The following PAAF1 variants were observed in gnomAD, a reference collection of about 807,000 sequenced individuals.
PAAF1 encodes the protein proteasomal ATPase-associated factor 1.
In PAAF1, 46 loss-of-function variants were observed where a neutral mutation model predicts 52.8. The ratio of observed to expected loss-of-function variants is 0.87; its 90% confidence interval spans 0.69 to 1.11. PAAF1 has a LOEUF of 1.11. Ranked by LOEUF, PAAF1 falls within the 50% of genes most tolerant of loss-of-function variation. The pLI is 0.00. For missense variants in PAAF1, 424 were observed against 477.4 expected (o/e 0.89, Z 1.04); for synonymous variants, 178 against 172.8 (o/e 1.03, Z -0.24).
intron 5 of PAAF1, among the ~76,000 whole-genome samples, chr11:73,899,921 A>T (rs976741567): frequency 6.6e-6 from 1 of 152,176 alleles, no homozygotes; most frequent in Non-Finnish European, 1.5e-5. Flanking sequence ...AAGGATTTTA[A>T]ACAGAGATGA....
chr11:73,893,738 CAAA>C lies in PAAF1; in HGVS notation c.282+2558_282+2560del, dbSNP rs564348245. ...GGAGACAAAAGTGAAACTCTGTCTC[CAAA>C]AAAAAAAAAAAAAAAAAAAAGAAAG... On this transcript the variant is annotated intron_variant, in intron 4 of 11. Coordinates refer to ENST00000310571, the MANE Select transcript of PAAF1 (RefSeq NM_025155.3). Among the ~76,000 whole-genome samples, 429 of 71,958 alleles carry C rather than the reference CAAA, an allele frequency of 6.0e-3. 3 individuals carry two copies. Among genetic ancestry groups the C allele is most frequent in the African/African-American group, 0.021 (369 of 17,966 alleles). The allele number at this position is 71,958 out of a possible 152,430, so 47.2% of individuals were successfully genotyped here.
intron 6 of PAAF1, among the ~76,000 whole-genome samples, chr11:73,907,702 G>A (rs929571103): frequency 6.6e-6 from 1 of 152,102 alleles, no homozygotes; most frequent in Non-Finnish European, 1.5e-5. Flanking sequence ...ATGGGAGCGG[G>A]GTAGATGATC....
Position 73,890,789 on chromosome 11 carries a change from T to A in PAAF1, c.193-323T>A, listed in dbSNP as rs138565259. Reference sequence around the variant, plus strand: ...CCACTGCTAATTGAGAGTATTGGTATTAGATTTTCTTCTTAAAACGAATGC... The same window carrying A: ...CCACTGCTAATTGAGAGTATTGGTAATAGATTTTCTTCTTAAAACGAATGC... On this transcript the variant is annotated intron_variant, in intron 3 of 11. Transcript: ENST00000310571. 3.6e-3 allele frequency among the ~76,000 whole-genome samples: 551 copies of A among 152,360 alleles called. 4 individuals carry two copies. The highest frequency in any genetic ancestry group is 0.012 in the African/African-American group (507 of 41,586).
chr11:73,926,636 G>A (rs892166186), intron 11 of PAAF1, among the ~76,000 whole-genome samples: 1 of 152,166 alleles, frequency 6.6e-6, no homozygotes, highest in African/African-American at 2.4e-5. Flanking sequence ...GTGAACCCGG[G>A]AGGCGGAGCT....
In PAAF1 at chr11:73,927,178, A is replaced by T; in HGVS notation, c.1102-107A>T. ...GGATGTAATTCTGTTGCCTTCATAA[A>T]GCCTTCTCAGACTCCATGGGACTAG... is the stretch of plus-strand genomic sequence containing the variant. On this transcript the variant is annotated intron_variant, in intron 11 of 11. Transcript: ENST00000310571. 3.6e-6 allele frequency: 3 copies of T among 829,626 alleles called. No homozygotes were observed. The Admixed American group carries it at 6.4e-5, about 18-fold the overall frequency. 51.4% of individuals were successfully genotyped at this position (829,626 alleles called of 1,614,324 possible).
At chr11:73,924,462 A>G (rs1950301713) in intron 10 of PAAF1, among the ~76,000 whole-genome samples, 153 bp from the exon 11 acceptor site, 1 of 152,200 alleles carries the variant, frequency 6.6e-6, no homozygotes, top group South Asian at 2.1e-4. Context: ...ACAAAAAAAA[A>G]GTTGGCCCAC....
chr11:73,917,697 C>G (rs1185780179), intron 9 of PAAF1, among the ~76,000 whole-genome samples: 1 of 152,106 alleles, frequency 6.6e-6, no homozygotes, highest in African/African-American at 2.4e-5. Flanking sequence ...CATGGCGAAA[C>G]CCTGTCTCTA....
At chr11:73,892,874 A>G (rs1949236211) in intron 4 of PAAF1, among the ~76,000 whole-genome samples, 1 of 152,024 alleles carries the variant, frequency 6.6e-6, no homozygotes, top group Non-Finnish European at 1.5e-5. Context: ...GTTAGCCAGG[A>G]TGGTCTCAAT....
intron 2 of PAAF1, among the ~76,000 whole-genome samples, chr11:73,884,950 C>T (rs1161638673): frequency 1.4e-5 from 2 of 145,502 alleles, no homozygotes; most frequent in Admixed American, 6.8e-5. Flanking sequence ...AGTTCCGCCT[C>T]CCGGGTTCAC....
chr11:73,914,183 T>A (rs1169897870), intron 7 of PAAF1, among the ~76,000 whole-genome samples: 1 of 152,250 alleles, frequency 6.6e-6, no homozygotes, highest in African/African-American at 2.4e-5. Flanking sequence ...AAAACATTTT[T>A]AAAATGTAAA....
chr11:73,925,174 AAC>A (rs1376900542), intron 11 of PAAF1, among the ~76,000 whole-genome samples: 14 of 150,778 alleles, frequency 9.3e-5, no homozygotes, highest in Non-Finnish European at 1.3e-4. Flanking sequence ...AAAAAAAAAA[AAC>A]AAGTGACTTC....
At chr11:73,900,170 G>C in intron 5 of PAAF1, 100 bp from the exon 6 acceptor site, 1 of 1,287,796 alleles carries the variant, frequency 7.8e-7, no homozygotes, top group Non-Finnish European at 1.1e-6. Flanking sequence ...TGTGGGTTTA[G>C]CATGTAGGTA....
rs1949864755 is a variant in PAAF1 at position 73,909,407 on chromosome 11, GAT to G, written c.543_544del (p.Thr182SerfsTer4). The G allele has an allele frequency of 6.2e-7, 1 of 1,613,862 alleles. No individual in the cohort carries two copies. The highest frequency in any genetic ancestry group is 2.2e-5 in the East Asian group (1 of 44,878). On this transcript the variant is annotated frameshift_variant, in exon 7 of 12. Coordinates refer to ENST00000310571, the MANE Select transcript of PAAF1 (RefSeq NM_025155.3). LOFTEE classifies it high-confidence loss of function. Reference sequence around the variant, plus strand: ...TTTTTTTCTCTTGCTAGGTATCCTGGATACAGCCATCGTTGATCGGGGGAGGA... The same window carrying G: ...TTTTTTTCTCTTGCTAGGTATCCTGGACAGCCATCGTTGATCGGGGGAGGA... ...TFKGHKGGILDTAIVDRGRNV... is the reference protein window; with the variant it reads ...TFKGHKGGILXTAIVDRGRNV...
chr11:73,919,488 G>A (rs1019922345), intron 10 of PAAF1, among the ~76,000 whole-genome samples: 13 of 152,246 alleles, frequency 8.5e-5, no homozygotes, highest in African/African-American at 2.9e-4. Flanking sequence ...ATGTAAAGAG[G>A]GACACTGAAA....
At chr11:73,891,072 G>T in intron 3 of PAAF1, 40 bp from the exon 4 acceptor site, 1 of 1,161,014 alleles carries the variant, frequency 8.6e-7, no homozygotes, top group Non-Finnish European at 1.3e-6. Context: ...TACATTGGAG[G>T]AGTTTTACTG....
chr11:73,924,679 CTG>C lies in PAAF1; in HGVS notation c.1086_1087del (p.Cys362Ter). On this transcript the variant is annotated frameshift_variant, in exon 11 of 12. Coordinates refer to ENST00000310571, the MANE Select transcript of PAAF1 (RefSeq NM_025155.3). LOFTEE classifies it high-confidence loss of function. The stretch of plus-strand genomic sequence containing the variant: ...ATGTCACTGAGCTCACTGGGGCTGA[CTG>C]TGACCCTGTGTACAAGGTACAGGCC... The part of the protein sequence containing the change: ...DYVTELTGAD[C>X]DPVYKVATWE... 1 of 1,613,932 alleles carries C rather than the reference CTG, an allele frequency of 6.2e-7. No homozygotes were observed. Among genetic ancestry groups the C allele is most frequent in the Non-Finnish European group, 8.5e-7 (1 of 1,179,830 alleles).
At chr11:73,908,118 T>C (rs1365340111) in intron 6 of PAAF1, among the ~76,000 whole-genome samples, 2 of 152,048 alleles carry the variant, frequency 1.3e-5, no homozygotes, top group African/African-American at 4.8e-5. Context: ...GGGACTACTC[T>C]TTCTTGGCCA....
Position 73,916,675 on chromosome 11 carries a change from A to T in PAAF1, c.935+15A>T. The T allele has an allele frequency of 6.3e-7, 1 of 1,581,616 alleles. No homozygotes were observed. The highest frequency in any genetic ancestry group is 1.3e-5 in the African/African-American group (1 of 74,412). On this transcript the variant is annotated intron_variant, in intron 9 of 11. Transcript: ENST00000310571. ...AGGAGTCCAAGGTGAGTCACCATTCATTTACATGATGCAGGTCTTCTGCAG... is the reference window on the plus strand; with the variant it reads ...AGGAGTCCAAGGTGAGTCACCATTCTTTTACATGATGCAGGTCTTCTGCAG...
intron 9 of PAAF1, among the ~76,000 whole-genome samples, chr11:73,917,532 G>T (rs2135220691): frequency 6.6e-6 from 1 of 152,184 alleles, no homozygotes. Context: ...AATAGCTTCT[G>T]TGGGCATCAG....
Sources: gnomAD v4.1 joint callset for allele counts (sites outside exome capture counted in the v4.1 genomes callset) on GRCh38, gnomAD v4.1.1 for gene constraint, MANE v1.5 for transcripts, NCBI Gene and HGNC (gene_info 2026-07-23, HGNC 2026-07-21) for gene names.